The following ANKAR variants were observed in gnomAD, a reference collection of about 807,000 sequenced individuals.
The protein encoded by ANKAR is ankyrin and armadillo repeat containing.
In ANKAR, 136 loss-of-function variants were observed where a neutral mutation model predicts 146.2. That is an observed-to-expected ratio of 0.93 (90% CI 0.81 to 1.07). The LOEUF is 1.07. Ranked by LOEUF, ANKAR falls within the 50% of genes least tolerant of loss-of-function variation. The pLI is 0.00. For synonymous variants in ANKAR, 500 were observed against 575.8 expected (o/e 0.87, Z 1.88); for missense variants, 1,567 against 1,679.9 (o/e 0.93, Z 1.18).
intron 21 of ANKAR, among the ~76,000 whole-genome samples, chr2:189,744,213 G>C (rs1023697129): frequency 3.9e-5 from 6 of 152,162 alleles, no homozygotes; most frequent in African/African-American, 1.4e-4. Context: ...TTTAAGTACA[G>C]AGAATGATGA....
At chr2:189,732,659 TAAAAAAAAAAAAAAAAA>T (rs10707585) in intron 16 of ANKAR, among the ~76,000 whole-genome samples, 1 of 50,388 alleles carries the variant, frequency 2.0e-5, no homozygotes, top group African/African-American at 7.5e-5. Context: ...AGACTCCATC[TAAAAAAAAAAAAAAAAA>T]AAAAAAAAGG....
downstream of ANKAR, chr2:189,746,777 T>A: frequency 2.3e-6 from 2 of 887,490 alleles, no homozygotes; most frequent in Non-Finnish European, 3.2e-6. Context: ...TTAGCATGTC[T>A]ACAGGAATTT....
At chr2:189,706,886 A>T (rs1158985731) in intron 8 of ANKAR, 52 bp from the exon 9 acceptor site, 1 of 1,436,168 alleles carries the variant, frequency 7.0e-7, no homozygotes, top group Non-Finnish European at 9.5e-7. Flanking sequence ...TTTTACAAAA[A>T]GTAAATTTGA....
Position 189,746,513 on chromosome 2 carries a change from T to C in ANKAR, c.4191T>C (p.Ser1397=). ...CCAAGGATTCCCATAATATTTTTTC[T>C]TTTTCATCTACAATTACATCAGATA... ...KKTKDSHNIF[S]FSSTITSDIT... is the part of the protein sequence containing the mutation. The change falls in exon 23 of 23, where the codon TCT becomes TCC. Residue 1397 remains serine (S), a synonymous_variant. Transcript: ENST00000684021. 6.2e-7 allele frequency: 1 copy of C among 1,613,958 alleles called. No homozygotes were observed. The highest frequency in any genetic ancestry group is 1.1e-5 in the South Asian group (1 of 91,058).
rs149009139 is a variant in ANKAR at position 189,711,123 on chromosome 2, G to C, written c.2194G>C (p.Asp732His). 1 of 1,613,908 alleles carries C rather than the reference G, an allele frequency of 6.2e-7. No homozygotes were observed. The highest frequency in any genetic ancestry group is 8.5e-7 in the Non-Finnish European group (1 of 1,179,870). The change falls in exon 10 of 23, where the codon GAT (aspartate) becomes CAT (histidine). Residue 732 changes from aspartate (D) to histidine (H), a missense_variant. Transcript: ENST00000684021. ...MSLEVICLAN[D>H]QYWRCILDAG... Reference sequence around the variant, plus strand: ...CTTGGAAGTAATTTGCTTAGCAAATGATCAATACTGGAGATGTATTTTGGA... The same window carrying C: ...CTTGGAAGTAATTTGCTTAGCAAATCATCAATACTGGAGATGTATTTTGGA...
intron 2 of ANKAR, among the ~76,000 whole-genome samples, chr2:189,678,830 T>G (rs1431183512): frequency 6.6e-6 from 1 of 152,234 alleles, no homozygotes; most frequent in Non-Finnish European, 1.5e-5. Context: ...AACTATAGCC[T>G]TGTAGTATAG....
intron 7 of ANKAR, among the ~76,000 whole-genome samples, chr2:189,699,378 A>G (rs1372595408): frequency 1.3e-5 from 2 of 152,156 alleles, no homozygotes; most frequent in African/African-American, 4.8e-5. Flanking sequence ...CATATTCATT[A>G]TATTTCTTTT....
downstream of ANKAR, chr2:189,746,979 T>G (rs1322204407): frequency 6.3e-6 from 1 of 159,010 alleles, no homozygotes; most frequent in Admixed American, 6.4e-5. Flanking sequence ...TGTAATACTT[T>G]GAGATATTTA....
chr2:189,733,193 T>A lies in ANKAR; in HGVS notation c.3387T>A (p.Tyr1129Ter), dbSNP rs761369680. 6.2e-7 allele frequency: 1 copy of A among 1,611,992 alleles called. No homozygotes were observed. The highest frequency in any genetic ancestry group is 1.3e-5 in the African/African-American group (1 of 74,962). The change falls in exon 17 of 23, where the codon TAT (tyrosine) becomes TAA (stop). Residue 1129 changes from tyrosine (Y) to a stop codon, truncating the protein, a stop_gained. Coordinates refer to ENST00000684021, the MANE Select transcript of ANKAR (RefSeq NM_001378068.1). LOFTEE classifies it high-confidence loss of function. The part of the protein sequence containing the change: ...KDLHENEGFE[Y>*]ADVLYLLHST... ...TACATGAAAATGAAGGATTTGAATATGCTGATGTCCTTTATCTTCTTCACT... is the reference window on the plus strand; with the variant it reads ...TACATGAAAATGAAGGATTTGAATAAGCTGATGTCCTTTATCTTCTTCACT...
At chr2:189,730,987 A>G (rs984981187) in intron 16 of ANKAR, among the ~76,000 whole-genome samples, 3 of 152,206 alleles carry the variant, frequency 2.0e-5, no homozygotes, top group African/African-American at 2.4e-5. Context: ...TGTGACTTAT[A>G]TGGGAATATT....
intron 12 of ANKAR, 127 bp downstream of exon 12, chr2:189,720,914 A>G (rs2041162835): frequency 6.1e-6 from 4 of 660,462 alleles, no homozygotes; most frequent in Non-Finnish European, 2.3e-6. Flanking sequence ...AACGTGTAAT[A>G]TAACCTTAAT....
At chr2:189,721,990 T>A (rs182010047) in intron 12 of ANKAR, among the ~76,000 whole-genome samples, 2 of 152,190 alleles carry the variant, frequency 1.3e-5, no homozygotes, top group African/African-American at 4.8e-5. Context: ...AACAAATTCC[T>A]TATGCTCTCT....
rs747128002 is a variant in ANKAR, at chr2:189,727,896, T to C, written c.2676T>C (p.Val892=). The change falls in exon 13 of 23, where the codon GTT becomes GTC. Residue 892 remains valine (V), a synonymous_variant. Transcript: ENST00000684021. ...KAVSSAAIAE[V]GRDNKEIQDA... ...TATCTTCTGCTGCAATTGCTGAGGT[T>C]GGGCGTGACAATAAGGAAATTCAGG... 6.2e-7 allele frequency: 1 copy of C among 1,613,912 alleles called. No individual in the cohort carries two copies. The highest frequency in any genetic ancestry group is 1.3e-5 in the African/African-American group (1 of 74,906).
At chr2:189,743,181 T>A (rs1382535329) in intron 20 of ANKAR, 94 bp from the exon 21 acceptor site, 34 of 1,270,106 alleles carry the variant, frequency 2.7e-5, no homozygotes, top group Non-Finnish European at 3.6e-5. Context: ...GCTCCCTCCC[T>A]TACAGAGACT....
At chr2:189,720,083 C>T (rs963430290) in intron 11 of ANKAR, among the ~76,000 whole-genome samples, 6 of 152,128 alleles carry the variant, frequency 3.9e-5, no homozygotes, top group African/African-American at 1.4e-4. Flanking sequence ...TCTACAATGG[C>T]AAATATTTCC....
At chr2:189,758,660 G>A (rs1415097268) in intron 18 of ANKAR, among the ~76,000 whole-genome samples, 1 of 152,130 alleles carries the variant, frequency 6.6e-6, no homozygotes, top group Non-Finnish European at 1.5e-5. Flanking sequence ...TTCACTGAAG[G>A]CCTAACGAAA....
intron 3 of ANKAR, among the ~76,000 whole-genome samples, chr2:189,690,562 C>T (rs2036235586): frequency 6.6e-6 from 1 of 152,170 alleles, no homozygotes; most frequent in Non-Finnish European, 1.5e-5. Flanking sequence ...CACTGATTAG[C>T]ACACAATTTA....
intron 10 of ANKAR, among the ~76,000 whole-genome samples, chr2:189,716,296 T>C (rs1252563079): frequency 6.6e-6 from 1 of 151,960 alleles, no homozygotes; most frequent in African/African-American, 2.4e-5. Flanking sequence ...ACACCAATAA[T>C]AGACAAACAG....
chr2:189,685,583 G>A (rs368717618), intron 2 of ANKAR, among the ~76,000 whole-genome samples: 1 of 152,064 alleles, frequency 6.6e-6, no homozygotes, highest in Non-Finnish European at 1.5e-5. Flanking sequence ...CCTGCCTGGC[G>A]ATCCTTGCTG....
Sources: gnomAD v4.1 joint callset for allele counts (sites outside exome capture counted in the v4.1 genomes callset) on GRCh38, gnomAD v4.1.1 for gene constraint, MANE v1.5 for transcripts, NCBI Gene and HGNC (gene_info 2026-07-23, HGNC 2026-07-21) for gene names.